The following TRPM3 variants were observed in gnomAD, a reference collection of about 807,000 sequenced individuals.
TRPM3 encodes transient receptor potential cation channel subfamily M member 3, also known as long transient receptor potential channel 3.
A neutral mutation model predicts 181.2 loss-of-function variants in TRPM3; 77 were observed. The observed-to-expected ratio is 0.42, with a 90% CI of 0.35 to 0.51. The LOEUF (loss-of-function observed/expected upper bound fraction) is 0.51. Ranked by LOEUF, TRPM3 falls within the 20% of genes least tolerant of loss-of-function variation. The pLI, the probability that TRPM3 is intolerant of heterozygous loss-of-function variation, is 0.01. For missense variants in TRPM3, 1,759 were observed against 2,196.7 expected, an observed-to-expected ratio of 0.80 and a Z score of 3.98; for synonymous variants, 745 against 796.4, an observed-to-expected ratio of 0.94 and a Z score of 1.09.
chr9:71,324,978 G>T (rs1436501878), intron 1 of TRPM3, among the ~76,000 whole-genome samples: 1 of 151,772 alleles, frequency 6.6e-6, no homozygotes, highest in African/African-American at 2.4e-5. Flanking sequence ...GAAGAGAAGT[G>T]GTTTAAAGAG....
At position 70,546,090 on chromosome 9, in the gene TRPM3, C is replaced by T. The variant is rs372474103; in HGVS notation, c.3707+3452G>A. On this transcript the variant is annotated intron_variant, in intron 25 of 25. Transcript: ENST00000677713. ...GTGGAGGAAACAACTGCTTTGGGTA[C>T]AAGCAATCTGTACTCAGTGACTTCC... Among the ~76,000 whole-genome samples the T allele has an allele frequency of 3.9e-4, 60 of 152,258 alleles. 1 individual carries two copies. In the South Asian group the frequency reaches 0.012, roughly 30 times the overall value.
At chr9:71,182,380 G>T (rs890466726) in intron 1 of TRPM3, among the ~76,000 whole-genome samples, 1 of 152,000 alleles carries the variant, frequency 6.6e-6, no homozygotes, top group African/African-American at 2.4e-5. Context: ...TGGCCCTCCA[G>T]GGTTTCAAAC....
At chr9:71,041,951 A>AATT (rs1204156012) in intron 1 of TRPM3, among the ~76,000 whole-genome samples, 3 of 152,190 alleles carry the variant, frequency 2.0e-5, no homozygotes, top group African/African-American at 7.2e-5. Flanking sequence ...AAATAATAAT[A>AATT]ATAGCAGCTA....
chr9:71,200,623 T>C (rs2078718933), intron 1 of TRPM3, among the ~76,000 whole-genome samples: 1 of 152,246 alleles, frequency 6.6e-6, no homozygotes, highest in African/African-American at 2.4e-5. Context: ...TTTACCGTTA[T>C]GTAATGGCCT....
intron 8 of TRPM3, among the ~76,000 whole-genome samples, chr9:70,739,210 A>C (rs1172092253): frequency 6.6e-6 from 1 of 152,210 alleles, no homozygotes; most frequent in Non-Finnish European, 1.5e-5. Context: ...CCTGATGAGC[A>C]CAGATGCAAA....
At chr9:70,580,049 C>T (rs564264531) in intron 22 of TRPM3, among the ~76,000 whole-genome samples, 53 of 152,224 alleles carry the variant, frequency 3.5e-4, no homozygotes, top group Non-Finnish European at 5.4e-4. Flanking sequence ...CACATTAAGG[C>T]GAGAAGAGTC....
At chr9:71,182,251 G>GTA (rs1346146193) in intron 1 of TRPM3, among the ~76,000 whole-genome samples, 3 of 152,272 alleles carry the variant, frequency 2.0e-5, no homozygotes, top group Middle Eastern at 3.4e-3. Context: ...AATTATTGGG[G>GTA]TATATGTGTG....
At chr9:71,148,957 T>C (rs1240577790) in intron 1 of TRPM3, among the ~76,000 whole-genome samples, 2 of 152,174 alleles carry the variant, frequency 1.3e-5, no homozygotes, top group African/African-American at 4.8e-5. Context: ...TAGCCTTTCT[T>C]TTTAGAGCTG....
At chr9:70,994,142 C>T (rs2097520839) in intron 1 of TRPM3, among the ~76,000 whole-genome samples, 1 of 152,154 alleles carries the variant, frequency 6.6e-6, no homozygotes, top group Non-Finnish European at 1.5e-5. Flanking sequence ...AGGTCTGAGT[C>T]CTGATTCCAT....
chr9:71,044,005 T>C (rs944386609), intron 1 of TRPM3, among the ~76,000 whole-genome samples: 1 of 152,180 alleles, frequency 6.6e-6, no homozygotes, highest in Non-Finnish European at 1.5e-5. Context: ...TGATTCTCTT[T>C]TTATCTCACA....
At chr9:71,046,385 T>A (rs1174830894) in intron 1 of TRPM3, among the ~76,000 whole-genome samples, 1 of 152,188 alleles carries the variant, frequency 6.6e-6, no homozygotes, top group Non-Finnish European at 1.5e-5. Context: ...CATGAATAAC[T>A]CTTCACAACT....
chr9:71,243,591 A>G (rs1334829409), intron 1 of TRPM3, among the ~76,000 whole-genome samples: 1 of 152,230 alleles, frequency 6.6e-6, no homozygotes, highest in Non-Finnish European at 1.5e-5. Flanking sequence ...ATGTAAAATC[A>G]TGCTTATGCA....
At chr9:70,657,632 A>AT (rs1194182625) in intron 9 of TRPM3, among the ~76,000 whole-genome samples, 2 of 152,068 alleles carry the variant, frequency 1.3e-5, no homozygotes, top group African/African-American at 4.8e-5. Flanking sequence ...AGATTAAAAA[A>AT]TTTTTTTTAA....
chr9:70,937,540 T>C (rs550837116), intron 1 of TRPM3, among the ~76,000 whole-genome samples: 5 of 152,228 alleles, frequency 3.3e-5, no homozygotes, highest in Non-Finnish European at 4.4e-5. Context: ...AATTTTATTA[T>C]GGGCAAAATT....
intron 1 of TRPM3, among the ~76,000 whole-genome samples, chr9:71,329,581 G>C (rs1490302322): frequency 1.3e-5 from 2 of 152,162 alleles, no homozygotes; most frequent in Admixed American, 1.3e-4. Flanking sequence ...GGGGGTTACA[G>C]GTTACAATAA....
intron 16 of TRPM3, among the ~76,000 whole-genome samples, chr9:70,619,754 C>T (rs2063355720): frequency 2.0e-5 from 3 of 152,050 alleles, no homozygotes; most frequent in Non-Finnish European, 4.4e-5. Flanking sequence ...GTTCAAATTC[C>T]AGCCTTGCCA....
intron 1 of TRPM3, among the ~76,000 whole-genome samples, chr9:70,869,894 G>C (rs1421169552): frequency 2.0e-5 from 3 of 152,054 alleles, no homozygotes; most frequent in African/African-American, 4.8e-5. Context: ...TATCATCCAA[G>C]AGTGAATATT....
At chr9:71,076,011 T>C (rs936598238) in intron 1 of TRPM3, among the ~76,000 whole-genome samples, 2 of 152,094 alleles carry the variant, frequency 1.3e-5, no homozygotes, top group Non-Finnish European at 2.9e-5. Context: ...ATGGTTTCAT[T>C]GAGATATATT....
At chr9:71,427,214 T>A (rs910320996) in intron 1 of TRPM3, among the ~76,000 whole-genome samples, 1 of 152,124 alleles carries the variant, frequency 6.6e-6, no homozygotes, top group African/African-American at 2.4e-5. Flanking sequence ...GATACACATC[T>A]CTCCTTAAAC....
Sources: allele counts gnomAD v4.1 joint callset (sites outside exome capture counted in the v4.1 genomes callset), GRCh38; gene constraint gnomAD v4.1.1; transcripts MANE v1.5; gene names NCBI Gene and HGNC (gene_info 2026-07-23, HGNC 2026-07-21).